TRPM7: variants seen among roughly 807,000 people sequenced by gnomAD.
TRPM7 encodes LTRPC ion channel family member 7.
TRPM7 carries 134 observed loss-of-function variants against 229.7 expected under a neutral mutation model. The observed-to-expected ratio is 0.58, with a 90% CI of 0.51 to 0.67. The LOEUF (loss-of-function observed/expected upper bound fraction) is 0.67, where lower values mean the gene tolerates loss of function less well. TRPM7 is among the 30% of genes least tolerant of loss of function. The pLI is 0.00. For missense variants in TRPM7, 1,901 were observed against 2,210.0 expected, an observed-to-expected ratio of 0.86 and a Z score of 2.80; for synonymous variants, 699 against 715.2, an observed-to-expected ratio of 0.98 and a Z score of 0.36.
chr15:50,588,728 T>A (rs1472735382), intron 27 of TRPM7, among the ~76,000 whole-genome samples: 2 of 152,214 alleles, frequency 1.3e-5, no homozygotes, highest in Non-Finnish European at 2.9e-5. Context: ...TGTAGCCACA[T>A]TACCACTCCA....
chr15:50,619,715 A>T, intron 13 of TRPM7, 30 bp downstream of exon 13: 1 of 1,531,946 alleles, frequency 6.5e-7, no homozygotes, highest in East Asian at 2.3e-5. Context: ...TTAAAATAAC[A>T]TTTTTCAAAA....
Position 50,561,699 on chromosome 15 carries a change from A to C in TRPM7, c.5577T>G (p.Asn1859Lys). Residue 1859 changes from asparagine to lysine, a missense_variant, in exon 39 of 39, where the codon AAT becomes AAG. Physicochemically the swap from Asn to Lys is moderately conservative, Grantham distance 94. Coordinates refer to ENST00000646667, the MANE Select transcript of TRPM7 (RefSeq NM_017672.6). ...GNSTKESEST[N>K]SVRLML is the part of the protein sequence containing the mutation. The stretch of plus-strand genomic sequence containing the variant: ...AATATTATAACATCAGACGAACAGA[A>C]TTAGTTGATTCTGATTCTTTGGTGG... The C allele has an allele frequency of 6.2e-7, 1 of 1,611,288 alleles. No homozygotes were observed. Among genetic ancestry groups the C allele is most frequent in the Admixed American group, 1.7e-5 (1 of 59,256 alleles).
chr15:50,570,685 A>G (rs1386839680), intron 36 of TRPM7, among the ~76,000 whole-genome samples: 4 of 149,248 alleles, frequency 2.7e-5, no homozygotes, highest in Admixed American at 2.0e-4. Flanking sequence ...CCTAAAAAAA[A>G]AAAAAAAAAA....
At chr15:50,667,838 C>T (rs1018547308) in intron 1 of TRPM7, among the ~76,000 whole-genome samples, 6 of 152,178 alleles carry the variant, frequency 3.9e-5, no homozygotes, top group Admixed American at 3.9e-4. Flanking sequence ...GGCTTATTGA[C>T]ATAAAAATCA....
chr15:50,585,655 C>A (rs991980174), intron 28 of TRPM7, among the ~76,000 whole-genome samples: 11 of 152,274 alleles, frequency 7.2e-5, no homozygotes, highest in African/African-American at 2.4e-4. Context: ...CTGGAATAAA[C>A]CCAATTTGGT....
In TRPM7 at chr15:50,634,453, T is replaced by C. The variant is rs2060829581; in HGVS notation, c.936A>G (p.Val312=). 6.3e-7 allele frequency: 1 copy of C among 1,587,546 alleles called. No homozygotes were observed. Among genetic ancestry groups the C allele is most frequent in the Non-Finnish European group, 8.6e-7 (1 of 1,169,036 alleles). ...CTCTGCCTGTTCCTTCACACACAAC[T>C]ACTGGAACAGGGGGGCTTTCCTGAA... ...EYLQESPPVP[V]VVCEGTGRAA... Residue 312 remains valine, a synonymous_variant, in exon 8 of 39, where the codon GTA becomes GTG. Coordinates refer to ENST00000646667, the MANE Select transcript of TRPM7 (RefSeq NM_017672.6).
Position 50,624,163 on chromosome 15 carries a change from T to C in TRPM7, c.1440+3A>G. 1 of 1,601,230 alleles carries C rather than the reference T, an allele frequency of 6.2e-7. No individual in the cohort carries two copies. The highest frequency in any genetic ancestry group is 8.5e-7 in the Non-Finnish European group (1 of 1,176,254). ...TCAATAAAGAATTTTAATGTAGACT[T>C]ACAGTGTTGTAAAGTTCTTCCAGTC... On this transcript the variant is annotated splice_donor_region_variant and intron_variant, in intron 12 of 38. Transcript: ENST00000646667.
At chr15:50,643,126 TAA>T (rs2061153284) in intron 5 of TRPM7, among the ~76,000 whole-genome samples, 1 of 152,056 alleles carries the variant, frequency 6.6e-6, no homozygotes, top group Non-Finnish European at 1.5e-5. Context: ...TCGTCTCTAC[TAA>T]AAATACAAAA....
chr15:50,685,500 A>C (rs531049391), intron 1 of TRPM7, among the ~76,000 whole-genome samples: 1 of 152,252 alleles, frequency 6.6e-6, no homozygotes, highest in Admixed American at 6.5e-5. Context: ...ATAGTGAAAG[A>C]CACATTATTT....
intron 1 of TRPM7, among the ~76,000 whole-genome samples, chr15:50,670,075 C>T (rs72740469): frequency 0.058 from 8,863 of 152,156 alleles, 332 homozygotes; most frequent in African/African-American, 0.11. Flanking sequence ...ATGGATGGCC[C>T]TCAGCAAACT....
intron 27 of TRPM7, chr15:50,588,210 G>GTA: frequency 1.0e-6 from 1 of 984,554 alleles, no homozygotes; most frequent in Non-Finnish European, 1.2e-6. Flanking sequence ...AGGCATCTCT[G>GTA]TATACTCCAT....
chr15:50,667,435 G>A (rs1311475289), intron 1 of TRPM7, among the ~76,000 whole-genome samples: 6 of 152,356 alleles, frequency 3.9e-5, no homozygotes, highest in African/African-American at 1.4e-4. Context: ...GCCGGGCACA[G>A]TGGTTCACGC....
At chr15:50,583,285 CG>C (rs2054514046) in intron 28 of TRPM7, 126 bp from the exon 29 acceptor site, 1 of 520,640 alleles carries the variant, frequency 1.9e-6, no homozygotes, top group African/African-American at 2.0e-5. Context: ...TTCCTCAACA[CG>C]CTGAACACAA....
chr15:50,663,273 C>T (rs979686954), intron 1 of TRPM7, among the ~76,000 whole-genome samples: 4 of 152,106 alleles, frequency 2.6e-5, no homozygotes, highest in Admixed American at 2.0e-4. Context: ...GCAGTACAGG[C>T]ATGTGCCACT....
intron 28 of TRPM7, among the ~76,000 whole-genome samples, chr15:50,585,131 G>A (rs1296474837): frequency 1.4e-5 from 2 of 139,450 alleles, no homozygotes; most frequent in Admixed American, 8.3e-5. Flanking sequence ...GCGCAATCTC[G>A]GCTCACTGCA....
At chr15:50,639,598 A>G (rs1257714988) in intron 5 of TRPM7, 50 bp from the exon 6 acceptor site, 25 of 1,563,758 alleles carry the variant, frequency 1.6e-5, no homozygotes, top group Non-Finnish European at 2.2e-5. Context: ...TTTCTTAAAG[A>G]CAGGGTCACC....
At chr15:50,614,365 C>T in intron 13 of TRPM7, 102 bp from the exon 14 acceptor site, 1 of 1,142,554 alleles carries the variant, frequency 8.8e-7, no homozygotes. Context: ...CAAATGTTTA[C>T]TTCTTATAAG....
At chr15:50,664,235 G>A (rs2115671) in intron 1 of TRPM7, among the ~76,000 whole-genome samples, 2 of 150,180 alleles carry the variant, frequency 1.3e-5, no homozygotes, top group South Asian at 4.2e-4. Flanking sequence ...GAGTGAACCA[G>A]GGAGTCGGAG....
intron 5 of TRPM7, among the ~76,000 whole-genome samples, chr15:50,641,606 T>C (rs2061102804): frequency 6.6e-6 from 1 of 152,180 alleles, no homozygotes; most frequent in Non-Finnish European, 1.5e-5. Context: ...GTTTCTTATC[T>C]TTATCTCCCC....
Sources: gnomAD v4.1 joint callset for allele counts (sites outside exome capture counted in the v4.1 genomes callset) on GRCh38, gnomAD v4.1.1 for gene constraint, MANE v1.5 for transcripts, NCBI Gene and HGNC (gene_info 2026-07-23, HGNC 2026-07-21) for gene names.